The following GALNTL6 variants were observed in gnomAD, a reference collection of about 807,000 sequenced individuals.
GALNTL6 encodes the protein polypeptide N-acetylgalactosaminyltransferase-like 6.
A neutral mutation model predicts 73.7 loss-of-function variants in GALNTL6; 46 were observed. The observed-to-expected ratio is 0.62, with a 90% CI of 0.49 to 0.80. The LOEUF is 0.80. Ranked by LOEUF, GALNTL6 falls within the 30% of genes least tolerant of loss-of-function variation. The pLI, the probability that GALNTL6 is intolerant of heterozygous loss-of-function variation, is 0.00. For missense variants in GALNTL6, 604 were observed against 755.0 expected (o/e 0.80, Z 2.34); for synonymous variants, 259 against 263.7 (o/e 0.98, Z 0.17).
At chr4:172,372,855 C>T (rs1302997414) in intron 5 of GALNTL6, among the ~76,000 whole-genome samples, 1 of 152,146 alleles carries the variant, frequency 6.6e-6, no homozygotes, top group Non-Finnish European at 1.5e-5. Flanking sequence ...ACACCTGCAA[C>T]TGTTTTAATG....
chr4:172,336,143 G>A (rs946105620), intron 4 of GALNTL6, among the ~76,000 whole-genome samples: 2 of 151,096 alleles, frequency 1.3e-5, no homozygotes, highest in African/African-American at 4.9e-5. Flanking sequence ...GGTTTATTAT[G>A]TCTCTATTTT....
chr4:172,733,894 G>A (rs1028528881), intron 5 of GALNTL6, among the ~76,000 whole-genome samples: 2 of 152,218 alleles, frequency 1.3e-5, no homozygotes, highest in African/African-American at 4.8e-5. Flanking sequence ...AAATGTGGAA[G>A]CGACTTAGAA....
chr4:172,408,704 G>T (rs1034022966), intron 5 of GALNTL6, among the ~76,000 whole-genome samples: 4 of 151,798 alleles, frequency 2.6e-5, no homozygotes, highest in Non-Finnish European at 4.4e-5. Context: ...TTGTTAGTAG[G>T]CGAGGAAATA....
chr4:172,228,204 T>C (rs1736932106), intron 2 of GALNTL6, among the ~76,000 whole-genome samples: 1 of 152,154 alleles, frequency 6.6e-6, no homozygotes, highest in Non-Finnish European at 1.5e-5. Flanking sequence ...CATTTTCTTT[T>C]ACTTTTACCA....
intron 5 of GALNTL6, among the ~76,000 whole-genome samples, chr4:172,564,995 G>T (rs1736505125): frequency 6.6e-6 from 1 of 152,122 alleles, no homozygotes; most frequent in Non-Finnish European, 1.5e-5. Context: ...TATTTATCTT[G>T]GCTGGGAAGT....
At chr4:172,852,564 C>T (rs184842665) in intron 7 of GALNTL6, among the ~76,000 whole-genome samples, 6 of 152,188 alleles carry the variant, frequency 3.9e-5, no homozygotes, top group African/African-American at 1.4e-4. Flanking sequence ...AGCAGTCTTG[C>T]AGCATTGAGT....
intron 5 of GALNTL6, among the ~76,000 whole-genome samples, chr4:172,486,253 G>T (rs567759789): frequency 8.2e-4 from 125 of 152,200 alleles, no homozygotes; most frequent in Non-Finnish European, 1.2e-3. Flanking sequence ...GCAGATCAGT[G>T]TGTGAGAAAC....
At chr4:171,972,117 G>A (rs765510653) in intron 2 of GALNTL6, among the ~76,000 whole-genome samples, 4 of 152,234 alleles carry the variant, frequency 2.6e-5, no homozygotes, top group South Asian at 2.1e-4. Flanking sequence ...TTAATATCCC[G>A]TTGTCCAAAG....
At chr4:172,736,192 T>C (rs1736447822) in intron 5 of GALNTL6, among the ~76,000 whole-genome samples, 1 of 152,128 alleles carries the variant, frequency 6.6e-6, no homozygotes, top group African/African-American at 2.4e-5. Context: ...AATTTCCCAA[T>C]CCTAGCAAGC....
intron 5 of GALNTL6, among the ~76,000 whole-genome samples, chr4:172,452,884 C>T (rs113353818): frequency 0.015 from 2,294 of 152,096 alleles, 60 homozygotes; most frequent in African/African-American, 0.05. Flanking sequence ...TAAATTTTTC[C>T]CAGAAATTAA....
intron 5 of GALNTL6, among the ~76,000 whole-genome samples, chr4:172,743,984 A>T (rs1736952610): frequency 6.6e-6 from 1 of 152,104 alleles, no homozygotes; most frequent in Non-Finnish European, 1.5e-5. Context: ...TTCCAGAGGG[A>T]TATCATATTG....
chr4:172,537,306 C>T (rs1735379963), intron 5 of GALNTL6, among the ~76,000 whole-genome samples: 1 of 152,154 alleles, frequency 6.6e-6, no homozygotes. Flanking sequence ...CTCATAATTC[C>T]CACATGTTGT....
At chr4:172,006,863 A>T (rs1740859603) in intron 2 of GALNTL6, among the ~76,000 whole-genome samples, 1 of 151,968 alleles carries the variant, frequency 6.6e-6, no homozygotes, top group South Asian at 2.1e-4. Context: ...TTATTTTTTG[A>T]TCCTCAGTTA....
rs192402787 is a variant in GALNTL6 at position 172,531,741 on chromosome 4, C to T, written c.553+183052C>T. Among the ~76,000 whole-genome samples the T allele has an allele frequency of 2.3e-4, 35 of 152,268 alleles. No homozygotes were observed. In the East Asian group the frequency reaches 5.6e-3, roughly 24 times the overall value. On this transcript the variant is annotated intron_variant, in intron 5 of 12. Transcript: ENST00000506823. ...TGCTTCACTCTGAGCTGCCATGGGGCGTGCACACTCTACTCCACACCTTTC... is the reference window on the plus strand; with the variant it reads ...TGCTTCACTCTGAGCTGCCATGGGGTGTGCACACTCTACTCCACACCTTTC...
intron 8 of GALNTL6, among the ~76,000 whole-genome samples, chr4:172,905,176 T>G (rs1394330031): frequency 6.6e-6 from 1 of 152,174 alleles, no homozygotes; most frequent in Non-Finnish European, 1.5e-5. Context: ...AATATCTGTG[T>G]TAGAATCACA....
intron 4 of GALNTL6, among the ~76,000 whole-genome samples, chr4:172,339,277 A>T (rs1741471004): frequency 7.2e-6 from 1 of 139,040 alleles, no homozygotes; most frequent in African/African-American, 2.6e-5. Flanking sequence ...ACACACACAC[A>T]CACACACACA....
chr4:172,369,997 A>G (rs6814212), intron 5 of GALNTL6, among the ~76,000 whole-genome samples: 150,894 of 152,296 alleles, frequency 0.99, 74,774 homozygotes, highest in Middle Eastern at 1. Flanking sequence ...GAGAGCGAGC[A>G]AGTGCTGCTA....
chr4:172,678,427 C>G (rs145713783), intron 5 of GALNTL6, among the ~76,000 whole-genome samples: 5,425 of 151,632 alleles, frequency 0.036, 228 homozygotes, highest in African/African-American at 0.097. Flanking sequence ...CTCACCGCAA[C>G]CTCTGCCTCC....
At chr4:172,365,438 G>A (rs1742521754) in intron 5 of GALNTL6, among the ~76,000 whole-genome samples, 1 of 152,100 alleles carries the variant, frequency 6.6e-6, no homozygotes, top group Non-Finnish European at 1.5e-5. Flanking sequence ...GCAGTTTTTT[G>A]ATCAAGGGGA....
Sources: allele counts gnomAD v4.1 joint callset (sites outside exome capture counted in the v4.1 genomes callset), GRCh38; gene constraint gnomAD v4.1.1; transcripts MANE v1.5; gene names NCBI Gene and HGNC (gene_info 2026-07-23, HGNC 2026-07-21).